C5orf34: variants seen among roughly 807,000 people sequenced by gnomAD.
The protein encoded by C5orf34 is chromosome 5 open reading frame 34, also known as uncharacterized protein C5orf34.
C5orf34 carries 73 observed loss-of-function variants against 78.4 expected under a neutral mutation model. That is an observed-to-expected ratio of 0.93 (90% CI 0.77 to 1.13). C5orf34 has a LOEUF of 1.13. Among genes scored for constraint, C5orf34 ranks in the 50% most tolerant of loss-of-function variants. The pLI is 0.00. For missense variants in C5orf34, 730 were observed against 732.7 expected, an observed-to-expected ratio of 1.00 and a Z score of 0.04; for synonymous variants, 251 against 246.6, an observed-to-expected ratio of 1.02 and a Z score of -0.17.
At chr5:43,510,436 C>T (rs920280419) in intron 1 of C5orf34, among the ~76,000 whole-genome samples, 3 of 152,122 alleles carry the variant, frequency 2.0e-5, no homozygotes, top group Non-Finnish European at 4.4e-5. Context: ...CCTCCCTCTC[C>T]CTCTCCCCAC....
intron 8 of C5orf34, 103 bp from the exon 9 acceptor site, chr5:43,492,993 G>T: frequency 1.8e-6 from 1 of 541,676 alleles, no homozygotes; most frequent in Non-Finnish European, 3.0e-6. Flanking sequence ...TTATTCAGAA[G>T]TCAAATATTA....
chr5:43,496,567 CAAA>C (rs1288218975), intron 6 of C5orf34: 2 of 673,958 alleles, frequency 3.0e-6, no homozygotes, highest in Non-Finnish European at 4.4e-6. Context: ...CCTATTCATT[CAAA>C]AGTTTTTTTT....
At chr5:43,501,249 TTGTC>T (rs746613988) in intron 6 of C5orf34, among the ~76,000 whole-genome samples, 145 of 152,350 alleles carry the variant, frequency 9.5e-4, no homozygotes, top group African/African-American at 1.6e-3. Context: ...GCTCACTTGA[TTGTC>T]TGATGTACTA....
intron 6 of C5orf34, among the ~76,000 whole-genome samples, chr5:43,499,054 C>T (rs559938260): frequency 6.6e-6 from 1 of 152,296 alleles, no homozygotes; most frequent in East Asian, 1.9e-4. Flanking sequence ...TCTAGTGTAG[C>T]TGATAAAGAA....
intron 4 of C5orf34, 87 bp from the exon 5 acceptor site, chr5:43,503,847 G>T: frequency 1.2e-6 from 1 of 800,570 alleles, no homozygotes; most frequent in South Asian, 1.5e-5. Flanking sequence ...ACTGTAACAG[G>T]ATTAATTTCT....
rs1293041903 is a variant in C5orf34 at position 43,505,791 on chromosome 5, G to A, written c.889C>T (p.Pro297Ser). Residue 297 changes from proline to serine, a missense_variant, in exon 4 of 13, where the codon CCC becomes TCC. Transcript: ENST00000306862. ...EERGKVVSVL[P>S]RALSLSCPVP... ...GGACAGCTGAGTGACAGGGCCCTGG[G>A]AAGAACAGAAACCACTTTTCCTCTT... 6.2e-7 allele frequency: 1 copy of A among 1,603,632 alleles called. No individual in the cohort carries two copies. The highest frequency in any genetic ancestry group is 8.5e-7 in the Non-Finnish European group (1 of 1,174,334).
intron 1 of C5orf34, among the ~76,000 whole-genome samples, chr5:43,509,731 C>T (rs142249379): frequency 6.6e-6 from 1 of 152,054 alleles, no homozygotes; most frequent in Admixed American, 6.6e-5. Flanking sequence ...GGAACATAAC[C>T]AAGAAGAAAT....
rs758694430 is a variant in C5orf34 at position 43,487,874 on chromosome 5, A to G, written c.1720+35T>C. The G allele has an allele frequency of 5.3e-6, 8 of 1,504,008 alleles. No homozygotes were observed. In the Admixed American group the frequency reaches 9.0e-5, roughly 17 times the overall value. 93.2% of individuals were successfully genotyped at this position (1,504,008 alleles called of 1,614,324 possible). On this transcript the variant is annotated intron_variant, in intron 12 of 12. Transcript: ENST00000306862. Reference sequence around the variant, plus strand: ...ATTAAGCCTAGAATGAAAGAGAGTAATTATGTAGGACAGTGCATTCTGTTT... The same window carrying G: ...ATTAAGCCTAGAATGAAAGAGAGTAGTTATGTAGGACAGTGCATTCTGTTT...
chr5:43,493,640 C>T, intron 7 of C5orf34, 28 bp from the exon 8 acceptor site: 1 of 1,354,248 alleles, frequency 7.4e-7, no homozygotes, highest in Non-Finnish European at 1.0e-6. Context: ...ACTACTTAAA[C>T]ATTTGCAAAT....
chr5:43,487,871 G>A, intron 12 of C5orf34, 38 bp downstream of exon 12: 2 of 1,476,280 alleles, frequency 1.4e-6, no homozygotes, highest in Non-Finnish European at 1.9e-6. Flanking sequence ...ATGAAAGAGA[G>A]TAATTATGTA....
chr5:43,504,016 A>T (rs1745876286), intron 4 of C5orf34, among the ~76,000 whole-genome samples: 1 of 152,218 alleles, frequency 6.6e-6, no homozygotes. Flanking sequence ...TAACATTTAA[A>T]ATTTAGCCTG....
intron 6 of C5orf34, among the ~76,000 whole-genome samples, chr5:43,499,662 AC>A (rs1246075742): frequency 6.6e-6 from 1 of 152,140 alleles, no homozygotes; most frequent in Non-Finnish European, 1.5e-5. Flanking sequence ...TACAGAAAGT[AC>A]TATATAGGTA....
intron 1 of C5orf34, among the ~76,000 whole-genome samples, chr5:43,514,442 T>G (rs1454871927): frequency 1.3e-5 from 2 of 152,250 alleles, no homozygotes; most frequent in Admixed American, 1.3e-4. Flanking sequence ...GAAGACATTT[T>G]CTGATTCCAA....
At position 43,495,096 on chromosome 5, in the gene C5orf34, G is replaced by A. The variant is rs553228350; in HGVS notation, c.1153-495C>T. On this transcript the variant is annotated intron_variant, in intron 6 of 12. Transcript: ENST00000306862. ...ATTCATTTAGCCTTCTGAGCTGTCT[G>A]GGCAGACTTCGTGACCTTGCCACCT... 1,648 of 1,530,210 alleles carry A rather than the reference G, an allele frequency of 1.1e-3. 5 individuals are homozygous for A. Among genetic ancestry groups the A allele is most frequent in the Non-Finnish European group, 1.4e-3 (1,529 of 1,105,724 alleles). The allele number at this position is 1,530,210 out of a possible 1,614,324, so 94.8% of individuals were successfully genotyped here. A position where few individuals can be genotyped will look rare whatever the true frequency, so the allele number is the denominator to read the frequency against.
rs1390404848 is a variant in C5orf34, at chr5:43,508,734, ACAGTATAATC to A, written c.196-78_196-69del. On this transcript the variant is annotated intron_variant, in intron 2 of 12. Transcript: ENST00000306862. ...TTGAAAATCAATTAAAAATGACAGT[ACAGTATAATC>A]CATAATACTAATTACTTTTCATATT... The A allele has an allele frequency of 1.3e-5, 13 of 966,392 alleles. No individual in the cohort carries two copies. The Admixed American group carries it at 2.4e-4, about 18-fold the overall frequency. 59.9% of individuals were successfully genotyped at this position (966,392 alleles called of 1,614,324 possible).
At chr5:43,501,027 G>A (rs900481190) in intron 6 of C5orf34, among the ~76,000 whole-genome samples, 4 of 152,158 alleles carry the variant, frequency 2.6e-5, no homozygotes, top group Non-Finnish European at 4.4e-5. Context: ...TGAAGCCCAA[G>A]GCAGTCCACC....
At chr5:43,497,322 T>C (rs1745574220) in intron 6 of C5orf34, among the ~76,000 whole-genome samples, 1 of 152,234 alleles carries the variant, frequency 6.6e-6, no homozygotes, top group African/African-American at 2.4e-5. Flanking sequence ...GTGGAGCAGA[T>C]ACTATGCGCT....
chr5:43,498,986 T>C (rs144826403), intron 6 of C5orf34, among the ~76,000 whole-genome samples: 1 of 152,358 alleles, frequency 6.6e-6, no homozygotes, highest in East Asian at 1.9e-4. Context: ...TTAGGTGCCA[T>C]TTATAAACTG....
At position 43,487,095 on chromosome 5, in the gene C5orf34, A is replaced by C; in HGVS notation, c.1737T>G (p.Ser579Arg). The C allele has an allele frequency of 3.3e-6, 5 of 1,534,550 alleles. No individual in the cohort carries two copies. Among genetic ancestry groups the C allele is most frequent in the Non-Finnish European group, 4.4e-6 (5 of 1,142,986 alleles). ...IQKFNLLLEN[S>R]GILNQISNKK... ...TGTTAGAAATCTGGTTTAGGATACC[A>C]CTATTTTCTAGTAGCACTAAGTTGC... Residue 579 changes from serine to arginine, a missense_variant, in exon 13 of 13, where the codon AGT becomes AGG. Ser to Arg is a moderately radical substitution (Grantham distance 110, BLOSUM62 -1). Transcript: ENST00000306862.
Sources: gnomAD v4.1 joint callset for allele counts (sites outside exome capture counted in the v4.1 genomes callset) on GRCh38, gnomAD v4.1.1 for gene constraint, MANE v1.5 for transcripts, NCBI Gene and HGNC (gene_info 2026-07-23, HGNC 2026-07-21) for gene names.